CDH13: variants seen among roughly 807,000 people sequenced by gnomAD.
CDH13 encodes cadherin 13.
A neutral mutation model predicts 63.8 loss-of-function variants in CDH13; 24 were observed. That is an observed-to-expected ratio of 0.38 (90% CI 0.27 to 0.53). The LOEUF (loss-of-function observed/expected upper bound fraction) is 0.53. Among genes scored for constraint, CDH13 ranks in the 20% least tolerant of loss-of-function variants. The probability of loss-of-function intolerance (pLI) is 0.85; values close to 1 mark genes in which losing one functional copy is unlikely to be tolerated. For missense variants in CDH13, 1,049 were observed against 903.1 expected (o/e 1.16, Z -2.07); for synonymous variants, 503 against 355.3 (o/e 1.42, Z -4.67).
intron 2 of CDH13, among the ~76,000 whole-genome samples, chr16:82,983,941 C>A (rs897644533): frequency 2.0e-5 from 3 of 152,258 alleles, no homozygotes; most frequent in African/African-American, 7.2e-5. Flanking sequence ...CTGAAGACAC[C>A]TGACAGAGTG....
chr16:82,637,189 G>A (rs1442067648), intron 1 of CDH13, among the ~76,000 whole-genome samples: 1 of 152,204 alleles, frequency 6.6e-6, no homozygotes, highest in Non-Finnish European at 1.5e-5. Flanking sequence ...GCCACTGAAT[G>A]AAGTTTGATG....
intron 4 of CDH13, among the ~76,000 whole-genome samples, chr16:83,147,979 G>A (rs2036821343): frequency 6.6e-6 from 1 of 152,166 alleles, no homozygotes; most frequent in African/African-American, 2.4e-5. Flanking sequence ...TGTTGCCCAG[G>A]CTGGAGTACA....
At position 83,245,109 on chromosome 16, in the gene CDH13, G is replaced by C. The variant is rs565040592; in HGVS notation, c.636+27612G>C. Among the ~76,000 whole-genome samples, 15 of 131,146 alleles carry C rather than the reference G, an allele frequency of 1.1e-4. No individual in the cohort carries two copies. In the South Asian group the frequency reaches 2.3e-3, roughly 20 times the overall value. The allele number at this position is 131,146 out of a possible 152,430, so 86.0% of individuals were successfully genotyped here. On this transcript the variant is annotated intron_variant, in intron 5 of 13. Coordinates refer to ENST00000567109, the MANE Select transcript of CDH13 (RefSeq NM_001257.5). ...CACTTGCTATGTTGGCTCTTTTCTG[G>C]ATAGTATGCAAAAAAAAAAAAAGTT... is the stretch of plus-strand genomic sequence containing the variant.
chr16:83,129,430 G>T (rs531097209), intron 4 of CDH13, among the ~76,000 whole-genome samples: 18 of 152,314 alleles, frequency 1.2e-4, no homozygotes, highest in Non-Finnish European at 2.1e-4. Context: ...GGAAATATTT[G>T]TAATAAAGTA....
chr16:82,917,914 C>CAAAAAAAAA lies in CDH13; in HGVS notation c.157+59451_157+59459dup, dbSNP rs34766700. Among the ~76,000 whole-genome samples the CAAAAAAAAA allele has an allele frequency of 4.5e-3, 207 of 45,934 alleles. 8 individuals are homozygous for CAAAAAAAAA. Among genetic ancestry groups the CAAAAAAAAA allele is most frequent in the African/African-American group, 0.014 (200 of 14,608 alleles). The allele number at this position is 45,934 out of a possible 152,430, so 30.1% of individuals were successfully genotyped here. A position where few individuals can be genotyped will look rare whatever the true frequency, so the allele number is the denominator to read the frequency against. ...TGGGCAACAGAGAGAGACTCCATGT[C>CAAAAAAAAA]AAAAAAAAAAAAAAAAAAGGCATGT... is the stretch of plus-strand genomic sequence containing the variant. On this transcript the variant is annotated intron_variant, in intron 2 of 13. Transcript: ENST00000567109.
intron 7 of CDH13, among the ~76,000 whole-genome samples, chr16:83,548,504 A>G (rs2075430518): frequency 6.6e-6 from 1 of 152,196 alleles, no homozygotes; most frequent in African/African-American, 2.4e-5. Flanking sequence ...TAGAAACATC[A>G]GAGATGCAGT....
chr16:82,847,676 G>A (rs2039318119), intron 1 of CDH13, among the ~76,000 whole-genome samples: 2 of 152,180 alleles, frequency 1.3e-5, no homozygotes, highest in African/African-American at 4.8e-5. Context: ...GGGGAGTAGG[G>A]TGAGGACATC....
At chr16:82,763,164 A>G (rs1043585726) in intron 1 of CDH13, among the ~76,000 whole-genome samples, 1 of 152,126 alleles carries the variant, frequency 6.6e-6, no homozygotes, top group Non-Finnish European at 1.5e-5. Context: ...TGCCCCACCC[A>G]GTATCTGTAA....
chr16:83,545,413 G>T (rs2150660204), intron 7 of CDH13, among the ~76,000 whole-genome samples: 1 of 152,278 alleles, frequency 6.6e-6, no homozygotes, highest in South Asian at 2.1e-4. Context: ...ATTCTATTGG[G>T]ACACCAGAGG....
chr16:82,975,421 C>G (rs757067165), intron 2 of CDH13, among the ~76,000 whole-genome samples: 2 of 152,198 alleles, frequency 1.3e-5, no homozygotes, highest in African/African-American at 4.8e-5. Context: ...AGTTCTGCAG[C>G]TGCCGTGTGA....
Position 82,975,849 on chromosome 16 carries a change from T to C in CDH13, c.158-56161T>C, listed in dbSNP as rs374345850. ...TGTCTATACCCCCATCCCTGAAAAA[T>C]GGGGGTTTCCTTTTAGGGCTTTTAA... On this transcript the variant is annotated intron_variant, in intron 2 of 13. Transcript: ENST00000567109. Among the ~76,000 whole-genome samples, 18 of 152,108 alleles carry C rather than the reference T, an allele frequency of 1.2e-4. No individual in the cohort carries two copies. The East Asian group carries it at 1.4e-3, about 11-fold the overall frequency.
rs1442779282 is a variant in CDH13, at chr16:83,796,304, C to A, written c.*1274C>A. On this transcript the variant is annotated 3_prime_UTR_variant, in exon 14 of 14. Transcript: ENST00000567109. Reference sequence around the variant, plus strand: ...GACAGCTTGTGGCTTTTTATTAGAGCTCGCCACGAACTAGGGTAAGGTGAG... The same window carrying A: ...GACAGCTTGTGGCTTTTTATTAGAGATCGCCACGAACTAGGGTAAGGTGAG... 6.6e-6 allele frequency: 1 copy of A among 152,194 alleles called. No individual in the cohort carries two copies. Among genetic ancestry groups the A allele is most frequent in the Non-Finnish European group, 1.5e-5 (1 of 68,044 alleles). The allele number at this position is 152,194 out of a possible 1,614,324, so 9.4% of individuals were successfully genotyped here.
At chr16:82,756,816 G>C (rs148673029) in intron 1 of CDH13, among the ~76,000 whole-genome samples, 111 of 152,242 alleles carry the variant, frequency 7.3e-4, no homozygotes, top group African/African-American at 2.6e-3. Context: ...TTGATGATGA[G>C]AGAGACAGAC....
At chr16:83,372,587 A>G (rs2091388648) in intron 6 of CDH13, among the ~76,000 whole-genome samples, 1 of 151,780 alleles carries the variant, frequency 6.6e-6, no homozygotes, top group African/African-American at 2.4e-5. Context: ...CCCCATCTCT[A>G]CTAAAAATAT....
chr16:82,974,581 A>G (rs1362327159), intron 2 of CDH13, among the ~76,000 whole-genome samples: 1 of 152,144 alleles, frequency 6.6e-6, no homozygotes, highest in Non-Finnish European at 1.5e-5. Flanking sequence ...GACTTTGCAG[A>G]TGTAATTAGA....
At chr16:82,727,186 T>C (rs1432363929) in intron 1 of CDH13, among the ~76,000 whole-genome samples, 1 of 152,146 alleles carries the variant, frequency 6.6e-6, no homozygotes, top group Non-Finnish European at 1.5e-5. Flanking sequence ...GCATTTTATT[T>C]TTTTGGCATT....
chr16:83,210,535 A>T (rs1167611449), intron 4 of CDH13, among the ~76,000 whole-genome samples: 1 of 152,042 alleles, frequency 6.6e-6, no homozygotes, highest in East Asian at 1.9e-4. Context: ...TGCAATGTTT[A>T]TTTAAAAGCC....
intron 1 of CDH13, among the ~76,000 whole-genome samples, chr16:82,757,765 C>T (rs561528822): frequency 4.0e-5 from 6 of 151,220 alleles, no homozygotes; most frequent in Non-Finnish European, 8.8e-5. Context: ...GCTCAGCTTT[C>T]GGAGTAGCTG....
chr16:83,536,559 C>T (rs994315148), intron 7 of CDH13, among the ~76,000 whole-genome samples: 4 of 151,922 alleles, frequency 2.6e-5, no homozygotes, highest in South Asian at 2.1e-4. Flanking sequence ...ACCCATGGAA[C>T]CTTGTAGAAC....
Sources: gnomAD v4.1 joint callset for allele counts (sites outside exome capture counted in the v4.1 genomes callset) on GRCh38, gnomAD v4.1.1 for gene constraint, MANE v1.5 for transcripts, NCBI Gene and HGNC (gene_info 2026-07-23, HGNC 2026-07-21) for gene names.